AK4: variants seen among roughly 807,000 people sequenced by gnomAD.
The protein encoded by AK4 is adenylate kinase 4.
In AK4, 13 loss-of-function variants were observed where a neutral mutation model predicts 24.6. That is an observed-to-expected ratio of 0.53 (90% CI 0.34 to 0.84). AK4 has a LOEUF of 0.84. Among genes scored for constraint, AK4 ranks in the 40% least tolerant of loss-of-function variants. The pLI is 0.01. For missense variants in AK4, 192 were observed against 288.2 expected (o/e 0.67, Z 2.42); for synonymous variants, 88 against 107.0 (o/e 0.82, Z 1.10).
chr1:65,163,963 G>T (rs1454871671), intron 1 of AK4, among the ~76,000 whole-genome samples: 1 of 152,144 alleles, frequency 6.6e-6, no homozygotes, highest in East Asian at 1.9e-4. Flanking sequence ...AGCTGATCCA[G>T]TGAGTGCAGG....
intron 2 of AK4, among the ~76,000 whole-genome samples, chr1:65,202,495 G>A (rs1352488557): frequency 1.3e-5 from 2 of 152,192 alleles, no homozygotes; most frequent in African/African-American, 4.8e-5. Flanking sequence ...GTATTTGGGT[G>A]TGTCTTGACT....
intron 1 of AK4, among the ~76,000 whole-genome samples, chr1:65,168,226 C>G (rs1016491489): frequency 6.8e-6 from 1 of 147,240 alleles, no homozygotes; most frequent in Admixed American, 7.1e-5. Context: ...CAGCTTATTG[C>G]AACTCCGCCT....
chr1:65,151,903 T>A (rs987671382), intron 1 of AK4, among the ~76,000 whole-genome samples: 1 of 152,148 alleles, frequency 6.6e-6, no homozygotes, highest in Admixed American at 6.5e-5. Flanking sequence ...TTGGCTCAGA[T>A]TTTCTTTAGC....
At position 65,148,604 on chromosome 1, in the gene AK4, G is replaced by A. The variant is rs541122674; in HGVS notation, c.145+52G>A. The A allele has an allele frequency of 1.3e-5, 20 of 1,513,354 alleles. No homozygotes were observed. In the South Asian group the frequency reaches 2.4e-4, roughly 18 times the overall value. The allele number at this position is 1,513,354 out of a possible 1,614,324, so 93.7% of individuals were successfully genotyped here. A position where few individuals can be genotyped will look rare whatever the true frequency, so the allele number is the denominator to read the frequency against. ...GGGGCGAGCCGCGTTGGGCTGGGGT[G>A]AGGCCCTGGAGGGACTGGGGCTCCC... is the stretch of plus-strand genomic sequence containing the variant. On this transcript the variant is annotated intron_variant, in intron 1 of 4. Transcript: ENST00000327299.
At chr1:65,178,546 G>A (rs1335431782) in intron 1 of AK4, among the ~76,000 whole-genome samples, 1 of 152,226 alleles carries the variant, frequency 6.6e-6, no homozygotes, top group African/African-American at 2.4e-5. Context: ...CCATGTGCTG[G>A]TAGATTACAG....
chr1:65,189,332 G>T (rs146273147), intron 1 of AK4, among the ~76,000 whole-genome samples: 2,357 of 146,532 alleles, frequency 0.016, 24 homozygotes, highest in Non-Finnish European at 0.026. Context: ...AGACTGGAGT[G>T]CAATGGCTCA....
chr1:65,148,622 G>C lies in AK4; in HGVS notation c.145+70G>C, dbSNP rs1649653010. 3.4e-6 allele frequency: 5 copies of C among 1,456,430 alleles called. No individual in the cohort carries two copies. The Admixed American group carries it at 1.0e-4, about 29-fold the overall frequency. 90.2% of individuals were successfully genotyped at this position (1,456,430 alleles called of 1,614,324 possible). On this transcript the variant is annotated intron_variant, in intron 1 of 4. Transcript: ENST00000327299. Reference sequence around the variant, plus strand: ...CTGGGGTGAGGCCCTGGAGGGACTGGGGCTCCCGGATCACGGCGCCCTTCC... The same window carrying C: ...CTGGGGTGAGGCCCTGGAGGGACTGCGGCTCCCGGATCACGGCGCCCTTCC...
At chr1:65,183,649 CCGTGTG>C (rs778416843) in intron 1 of AK4, among the ~76,000 whole-genome samples, 8,729 of 111,648 alleles carry the variant, frequency 0.078, 426 homozygotes, top group Admixed American at 0.25. Flanking sequence ...ATATAAATAT[CCGTGTG>C]TGTGTGTGTG....
At chr1:65,186,600 T>A (rs1034622971) in intron 1 of AK4, among the ~76,000 whole-genome samples, 3 of 152,230 alleles carry the variant, frequency 2.0e-5, no homozygotes, top group Admixed American at 2.0e-4. Context: ...GATCTGGAGT[T>A]CTAGAAAACA....
At chr1:65,196,960 C>T (rs1291077719) in intron 2 of AK4, among the ~76,000 whole-genome samples, 4 of 152,118 alleles carry the variant, frequency 2.6e-5, no homozygotes, top group Non-Finnish European at 2.9e-5. Flanking sequence ...TGGCAGCAGG[C>T]AAAGAGAGAC....
intron 1 of AK4, among the ~76,000 whole-genome samples, chr1:65,178,120 G>A (rs1177979821): frequency 1.3e-5 from 2 of 152,060 alleles, no homozygotes; most frequent in Non-Finnish European, 2.9e-5. Context: ...ATGGGAAGGT[G>A]GAAGAGTTCA....
chr1:65,177,350 A>G (rs1650753371), intron 1 of AK4, among the ~76,000 whole-genome samples: 1 of 152,190 alleles, frequency 6.6e-6, no homozygotes, highest in South Asian at 2.1e-4. Context: ...ATAAGTTATA[A>G]ACCTGTCTTT....
At chr1:65,191,682 A>G (rs943039556) in intron 2 of AK4, among the ~76,000 whole-genome samples, 6 of 151,888 alleles carry the variant, frequency 4.0e-5, no homozygotes, top group Admixed American at 2.6e-4. Context: ...TGCCATAAAG[A>G]TGGTGGAACT....
chr1:65,170,146 G>A lies in AK4; in HGVS notation c.146-20564G>A, dbSNP rs1650461683. On this transcript the variant is annotated intron_variant, in intron 1 of 4. Coordinates refer to ENST00000327299, the MANE Select transcript of AK4 (RefSeq NM_013410.4). ...AATCCCAGCACTTTGGGAGGCGGAGGCGGGCGGATCACGAGGTCAGGAGAT... is the reference window on the plus strand; with the variant it reads ...AATCCCAGCACTTTGGGAGGCGGAGACGGGCGGATCACGAGGTCAGGAGAT... Among the ~76,000 whole-genome samples, 4 of 152,262 alleles carry A rather than the reference G, an allele frequency of 2.6e-5. 1 individual carries two copies. The South Asian group carries it at 8.3e-4, about 32-fold the overall frequency.
At chr1:65,176,394 C>T (rs142142785) in intron 1 of AK4, among the ~76,000 whole-genome samples, 16 of 152,222 alleles carry the variant, frequency 1.1e-4, no homozygotes, top group African/African-American at 3.6e-4. Flanking sequence ...AGCATTGGCC[C>T]TTATTCTCAG....
intron 1 of AK4, among the ~76,000 whole-genome samples, chr1:65,156,608 G>A (rs1649992375): frequency 6.6e-6 from 1 of 152,004 alleles, no homozygotes; most frequent in African/African-American, 2.4e-5. Flanking sequence ...ATATATAGAT[G>A]TTAAATGGAT....
At chr1:65,158,344 G>C (rs1415278547) in intron 1 of AK4, among the ~76,000 whole-genome samples, 2 of 152,082 alleles carry the variant, frequency 1.3e-5, no homozygotes, top group African/African-American at 4.8e-5. Context: ...ATTGTTAAAT[G>C]GTATTATATT....
chr1:65,223,694 A>G (rs1311712705), intron 3 of AK4, among the ~76,000 whole-genome samples: 1 of 152,198 alleles, frequency 6.6e-6, no homozygotes, highest in Non-Finnish European at 1.5e-5. Context: ...ATACATTTTC[A>G]AATCAAATAC....
intron 1 of AK4, among the ~76,000 whole-genome samples, chr1:65,188,373 T>C (rs1651172875): frequency 8.3e-6 from 1 of 120,208 alleles, no homozygotes; most frequent in Admixed American, 8.8e-5. Flanking sequence ...CCAGCCTGGG[T>C]GACAGTGAGA....
Sources: allele counts gnomAD v4.1 joint callset (sites outside exome capture counted in the v4.1 genomes callset), GRCh38; gene constraint gnomAD v4.1.1; transcripts MANE v1.5; gene names NCBI Gene and HGNC (gene_info 2026-07-23, HGNC 2026-07-21).